PRKCG: variants seen among roughly 807,000 people sequenced by gnomAD.
PRKCG encodes the protein protein kinase C gamma type.
In PRKCG, 28 loss-of-function variants were observed where a neutral mutation model predicts 82.0. The observed-to-expected ratio is 0.34, with a 90% CI of 0.25 to 0.47. The LOEUF (loss-of-function observed/expected upper bound fraction) is 0.47, where lower values mean the gene tolerates loss of function less well. Among genes scored for constraint, PRKCG ranks in the 20% least tolerant of loss-of-function variants. The pLI is 1.00. For missense variants in PRKCG, 640 were observed against 952.7 expected, an observed-to-expected ratio of 0.67 and a Z score of 4.32; for synonymous variants, 383 against 376.6, an observed-to-expected ratio of 1.02 and a Z score of -0.20.
intron 9 of PRKCG, among the ~76,000 whole-genome samples, chr19:53,894,286 C>T (rs1235436917): frequency 4.1e-5 from 6 of 147,430 alleles, no homozygotes; most frequent in African/African-American, 7.6e-5. Context: ...AGGATGGTCT[C>T]GATCTCCTGA....
chr19:53,881,425 A>G (rs981314863), upstream of PRKCG, among the ~76,000 whole-genome samples: 8 of 151,986 alleles, frequency 5.3e-5, no homozygotes, highest in African/African-American at 1.9e-4. Context: ...GAGAGAGAAT[A>G]GAGATTCACA....
chr19:53,884,243 CGT>C lies in PRKCG; in HGVS notation c.285+2_285+3del. On this transcript the variant is annotated splice_donor_variant, in intron 3 of 17. Transcript: ENST00000263431. LOFTEE classifies it high-confidence loss of function. The surrounding 1 kb of genome is among the most constrained non-coding windows in gnomAD (Gnocchi z 4.6). ...GCGCTGGGAAGGGCCCCCAGACGGA[CGT>C]GAGTGCTCGGACACCTGGTTCTCCT... 1 of 1,613,690 alleles carries C rather than the reference CGT, an allele frequency of 6.2e-7. No individual in the cohort carries two copies. The highest frequency in any genetic ancestry group is 8.5e-7 in the Non-Finnish European group (1 of 1,179,980).
At chr19:53,882,112 C>A, upstream of PRKCG, 1 of 293,246 alleles carries the variant, frequency 3.4e-6, no homozygotes, top group South Asian at 2.7e-5. The surrounding 1 kb of genome is among the most constrained non-coding windows in gnomAD (Gnocchi z 6.1). Context: ...ACATTTGTCC[C>A]GTGTCTCCGG....
Position 53,892,714 on chromosome 19 carries a change from C to T in PRKCG, c.821+71C>T, listed in dbSNP as rs867422910. The T allele has an allele frequency of 5.0e-5, 77 of 1,547,920 alleles. No homozygotes were observed. In the African/African-American group the frequency reaches 8.3e-4, roughly 17 times the overall value. On this transcript the variant is annotated intron_variant, in intron 7 of 17. Coordinates refer to ENST00000263431, the MANE Select transcript of PRKCG (RefSeq NM_002739.5). This position sits in a 1 kb window ranked among gnomAD's most constrained non-coding sequence, Gnocchi z 5.9. ...TCTCCATCTGTGTGTGGTCTCTCTC[C>T]TCCAGGCCACTGTCCTTCCCTCTGC...
intron 15 of PRKCG, among the ~76,000 whole-genome samples, chr19:53,904,124 G>A (rs2068784371): frequency 6.6e-6 from 1 of 152,132 alleles, no homozygotes; most frequent in Non-Finnish European, 1.5e-5. Flanking sequence ...GGCCGGACAT[G>A]GTGGCTCACG....
Position 53,889,540 on chromosome 19 carries a change from A to T in PRKCG, c.286-98A>T. The T allele has an allele frequency of 1.2e-6, 1 of 855,850 alleles. No individual in the cohort carries two copies. The highest frequency in any genetic ancestry group is 1.4e-5 in the South Asian group (1 of 70,948). The allele number at this position is 855,850 out of a possible 1,614,324, so 53.0% of individuals were successfully genotyped here. A position where few individuals can be genotyped will look rare whatever the true frequency, so the allele number is the denominator to read the frequency against. On this transcript the variant is annotated intron_variant, in intron 3 of 17. Transcript: ENST00000263431. This position sits in a 1 kb window ranked among gnomAD's most constrained non-coding sequence, Gnocchi z 4.4. ...GTGAAAGAGATGGAGCCTCAGGCTG[A>T]CCTAGAGAGCAAGGCAGGAGGAAAA...
chr19:53,882,270 T>G lies in PRKCG; in HGVS notation c.-225T>G. 1.6e-6 allele frequency: 1 copy of G among 619,594 alleles called. No homozygotes were observed. 38.4% of individuals were successfully genotyped at this position (619,594 alleles called of 1,614,324 possible). ...CCTCCGGCTGCCGGCGCCCCTGCCT[T>G]TGGCTCTTCCTCCCCACTCGCCCGC... On this transcript the variant is annotated 5_prime_UTR_variant, in exon 1 of 18. Coordinates refer to ENST00000263431, the MANE Select transcript of PRKCG (RefSeq NM_002739.5). This position sits in a 1 kb window ranked among gnomAD's most constrained non-coding sequence, Gnocchi z 6.1.
rs1461033474 is a variant in PRKCG at position 53,892,318 on chromosome 19, T to C, written c.687-191T>C. ...GGAGGAAGGGAGAGGAAGAGCTCTC[T>C]AGGTTTACTTCAGGCCCCAAAGCCC... On this transcript the variant is annotated intron_variant, in intron 6 of 17. Transcript: ENST00000263431. This position sits in a 1 kb window ranked among gnomAD's most constrained non-coding sequence, Gnocchi z 5.9. Among the ~76,000 whole-genome samples, 2 of 152,090 alleles carry C rather than the reference T, an allele frequency of 1.3e-5. No individual in the cohort carries two copies. Among genetic ancestry groups the C allele is most frequent in the African/African-American group, 4.8e-5 (2 of 41,410 alleles).
At chr19:53,890,155 C>A (rs2122990151) in intron 5 of PRKCG, 138 bp downstream of exon 5, 1 of 973,996 alleles carries the variant, frequency 1.0e-6, no homozygotes, top group Non-Finnish European at 1.5e-6. Flanking sequence ...ACACTCCTGA[C>A]CCCACCCCAA....
In PRKCG at chr19:53,903,867, G is replaced by A. The variant is rs1407451949; in HGVS notation, c.1656+714G>A. 3.3e-5 allele frequency among the ~76,000 whole-genome samples: 5 copies of A among 152,104 alleles called. 1 individual carries two copies. The East Asian group carries it at 7.7e-4, about 23-fold the overall frequency. ...ACAGTTGTCTAAATATTTAAAATTG[G>A]AAAATGGACATATGTGCAATTTCTT... On this transcript the variant is annotated intron_variant, in intron 15 of 17. Transcript: ENST00000263431.
chr19:53,883,986 C>A lies in PRKCG; in HGVS notation c.203-175C>A, dbSNP rs983765415. On this transcript the variant is annotated intron_variant, in intron 2 of 17. Transcript: ENST00000263431. The surrounding 1 kb of genome is among the most constrained non-coding windows in gnomAD (Gnocchi z 5.4). ...CCATCTCTTGGGTTTCTGTCTCCTG[C>A]TTCTCTCTCTGGCCTCCGATTTTCT... Among the ~76,000 whole-genome samples the A allele has an allele frequency of 2.2e-4, 34 of 152,104 alleles. No individual in the cohort carries two copies. Among genetic ancestry groups the A allele is most frequent in the African/African-American group, 8.0e-4 (33 of 41,412 alleles).
chr19:53,900,456 C>A lies in PRKCG; in HGVS notation c.1411C>A (p.Leu471Ile). The A allele has an allele frequency of 6.8e-6, 11 of 1,614,182 alleles. No individual in the cohort carries two copies. Among genetic ancestry groups the A allele is most frequent in the Non-Finnish European group, 9.3e-6 (11 of 1,180,040 alleles). ...AAEIAIGLFFLHNQGIIYRDL... is the reference protein window; with the variant it reads ...AAEIAIGLFFIHNQGIIYRDL... ...AGAAATCGCTATCGGCCTCTTCTTC[C>A]TTCACAATCAGGGCATCATCTACAG... Residue 471 changes from leucine to isoleucine, a missense_variant, in exon 13 of 18, where the codon CTT becomes ATT. Around this residue, in one of 7 missense-constraint regions of PRKCG, gnomAD observed 78 missense variants for 105.6 expected, o/e 0.74. Coordinates refer to ENST00000263431, the MANE Select transcript of PRKCG (RefSeq NM_002739.5). The surrounding 1 kb of genome is among the most constrained non-coding windows in gnomAD (Gnocchi z 4.2).
At chr19:53,905,931 T>A (rs1022674355) in intron 16 of PRKCG, among the ~76,000 whole-genome samples, 6 of 142,870 alleles carry the variant, frequency 4.2e-5, no homozygotes, top group African/African-American at 1.3e-4. Flanking sequence ...TCTCTCTCTC[T>A]CTCACTCACT....
chr19:53,903,780 AAGAT>A (rs897919568), intron 15 of PRKCG, among the ~76,000 whole-genome samples: 194 of 152,360 alleles, frequency 1.3e-3, no homozygotes, highest in African/African-American at 4.4e-3. Context: ...ATCATTTTGA[AAGAT>A]AGTCACCAAA....
chr19:53,884,285 C>G lies in PRKCG; in HGVS notation c.285+42C>G. 6 of 1,558,358 alleles carry G rather than the reference C, an allele frequency of 3.9e-6. No individual in the cohort carries two copies. The highest frequency in any genetic ancestry group is 2.0e-4 in the Middle Eastern group (1 of 4,966). ...CTGGTTCTCCTCCTCGGGCCGTGCC[C>G]CCGCCCTCACCCCCTCGGCGTCCGT... On this transcript the variant is annotated intron_variant, in intron 3 of 17. Coordinates refer to ENST00000263431, the MANE Select transcript of PRKCG (RefSeq NM_002739.5). The surrounding 1 kb of genome is among the most constrained non-coding windows in gnomAD (Gnocchi z 4.6).
chr19:53,888,060 T>C (rs2068645199), intron 3 of PRKCG, among the ~76,000 whole-genome samples: 1 of 152,214 alleles, frequency 6.6e-6, no homozygotes, highest in Admixed American at 6.5e-5. Context: ...CGACGTTCAC[T>C]TTTGAGAATA....
rs1024597285 is a variant in PRKCG at position 53,883,791 on chromosome 19, C to G, written c.203-370C>G. Among the ~76,000 whole-genome samples, 26 of 152,220 alleles carry G rather than the reference C, an allele frequency of 1.7e-4. No homozygotes were observed. The highest frequency in any genetic ancestry group is 6.0e-4 in the African/African-American group (25 of 41,462). ...GCGTCTGAAGATATTTCGGTTTTCG[C>G]TCTTTGAATCTGTCTGCCTCTCTCC... On this transcript the variant is annotated intron_variant, in intron 2 of 17. Coordinates refer to ENST00000263431, the MANE Select transcript of PRKCG (RefSeq NM_002739.5). This position sits in a 1 kb window ranked among gnomAD's most constrained non-coding sequence, Gnocchi z 5.4.
At position 53,892,776 on chromosome 19, in the gene PRKCG, A is replaced by ACACG; in HGVS notation, c.821+136_821+137insGCAC. 9.9e-7 allele frequency: 1 copy of ACACG among 1,011,426 alleles called. No individual in the cohort carries two copies. Among genetic ancestry groups the ACACG allele is most frequent in the Non-Finnish European group, 1.4e-6 (1 of 701,246 alleles). 62.7% of individuals were successfully genotyped at this position (1,011,426 alleles called of 1,614,324 possible). ...CGCACACACACACACACACACACAC[A>ACACG]CACACGCACACACACGCACACACCC... On this transcript the variant is annotated intron_variant, in intron 7 of 17. Coordinates refer to ENST00000263431, the MANE Select transcript of PRKCG (RefSeq NM_002739.5). This position sits in a 1 kb window ranked among gnomAD's most constrained non-coding sequence, Gnocchi z 5.9.
At chr19:53,894,845 TGGA>T in intron 9 of PRKCG, among the ~76,000 whole-genome samples, 1 of 152,234 alleles carries the variant, frequency 6.6e-6, no homozygotes, top group African/African-American at 2.4e-5. Flanking sequence ...CTTCTTCTAG[TGGA>T]GGACAAAGTT....
Sources: gnomAD v4.1 joint callset for allele counts (sites outside exome capture counted in the v4.1 genomes callset) on GRCh38, gnomAD v4.1.1 for gene constraint, gnomAD v4.1.1 regional missense constraint, Gnocchi (gnomAD v3.1) non-coding constraint, MANE v1.5 for transcripts, NCBI Gene and HGNC (gene_info 2026-07-23, HGNC 2026-07-21) for gene names.